Variants in DALRD3 observed in about 807,000 individuals in gnomAD.
DALRD3 encodes DALR anticodon binding domain containing 3.
DALRD3 carries 47 observed loss-of-function variants against 56.7 expected under a neutral mutation model. That is an observed-to-expected ratio of 0.83 (90% confidence interval 0.66 to 1.06). The LOEUF (loss-of-function observed/expected upper bound fraction) is 1.06, where lower values mean the gene tolerates loss of function less well. Among genes scored for constraint, DALRD3 ranks in the 50% least tolerant of loss-of-function variants. The pLI, the probability that DALRD3 is intolerant of heterozygous loss-of-function variation, is 0.00. For missense variants in DALRD3, 787 were observed against 724.0 expected (o/e 1.09, Z -1.00); for synonymous variants, 347 against 308.5 (o/e 1.12, Z -1.31).
At chr3:49,018,920 C>G, upstream of DALRD3, 1 of 985,486 alleles carries the variant, frequency 1.0e-6, no homozygotes, top group Non-Finnish European at 1.2e-6. Flanking sequence ...CATTTCATTT[C>G]TCCCATTTTA....
Position 49,017,438 on chromosome 3 carries a change from C to T in DALRD3, c.794G>A (p.Gly265Asp). The change falls in exon 4 of 12, where the codon GGC (glycine) becomes GAC (aspartate). Residue 265 changes from glycine to aspartate, a missense_variant. Gly to Asp is a moderately conservative substitution (Grantham distance 94). Coordinates refer to ENST00000341949, the MANE Select transcript of DALRD3 (RefSeq NM_001009996.3). Reference sequence around the variant, plus strand: ...ACAGGGCTGGGAGTCACTAACCAGGCCTGGGTGGCTGTCCTCGGGCCAATG... The same window carrying T: ...ACAGGGCTGGGAGTCACTAACCAGGTCTGGGTGGCTGTCCTCGGGCCAATG... ...LWHWPEDSHP[G>D]LAGASDTGTG... 1 of 1,614,132 alleles carries T rather than the reference C, an allele frequency of 6.2e-7. No homozygotes were observed. The highest frequency in any genetic ancestry group is 1.7e-5 in the Admixed American group (1 of 60,026).
chr3:49,018,205 G>C lies in DALRD3; in HGVS notation c.279C>G (p.Ala93=). ...CGGCGCTGAGGACGCGCTCGAAGAC[G>C]GCGGACCGCTGCAGTTGGAGAGACA... ...AGLSLQLQRS[A]VFERVLSAVA... is the part of the protein sequence containing the mutation. Residue 93 remains alanine (A), a synonymous_variant, in exon 2 of 12, where the codon GCC becomes GCG. Coordinates refer to ENST00000341949, the MANE Select transcript of DALRD3 (RefSeq NM_001009996.3). 1 of 1,446,238 alleles carries C rather than the reference G, an allele frequency of 6.9e-7. No individual in the cohort carries two copies. Among genetic ancestry groups the C allele is most frequent in the Non-Finnish European group, 9.0e-7 (1 of 1,110,708 alleles). The allele number at this position is 1,446,238 out of a possible 1,614,324, so 89.6% of individuals were successfully genotyped here. A position where few individuals can be genotyped will look rare whatever the true frequency, so the allele number is the denominator to read the frequency against.
rs1182292034 is a variant in DALRD3, at chr3:49,017,711, G to A, written c.620C>T (p.Thr207Ile). The A allele has an allele frequency of 6.2e-7, 1 of 1,614,034 alleles. No individual in the cohort carries two copies. Among genetic ancestry groups the A allele is most frequent in the East Asian group, 2.2e-5 (1 of 44,894 alleles). Residue 207 changes from threonine to isoleucine, a missense_variant, in exon 3 of 12, where the codon ACA (threonine) becomes ATA (isoleucine). Thr to Ile is a moderately conservative substitution (Grantham distance 89). Transcript: ENST00000341949. ...TCTGCCTAGGATGCCAGGGGACAGT[G>A]TCCTCCCGTCATTAGCAGAGGTAAG... Reference protein sequence around the residue: ...EELTSANDGRTLSPGILGRLC... With the variant: ...EELTSANDGRILSPGILGRLC...
rs2093113991 is a variant in DALRD3, at chr3:49,018,203, ACGG to A, written c.278_280del (p.Ala93del). 6.9e-7 allele frequency: 1 copy of A among 1,445,324 alleles called. No homozygotes were observed. The highest frequency in any genetic ancestry group is 9.0e-7 in the Non-Finnish European group (1 of 1,110,108). The allele number at this position is 1,445,324 out of a possible 1,614,324, so 89.5% of individuals were successfully genotyped here. On this transcript the variant is annotated inframe_deletion, in exon 2 of 12. Coordinates refer to ENST00000341949, the MANE Select transcript of DALRD3 (RefSeq NM_001009996.3). ...CACGGCGCTGAGGACGCGCTCGAAG[ACGG>A]CGGACCGCTGCAGTTGGAGAGACAG...
intron 7 of DALRD3, 40 bp downstream of exon 7, chr3:49,016,572 G>T: frequency 1.3e-6 from 2 of 1,595,238 alleles, no homozygotes; most frequent in South Asian, 1.1e-5. Flanking sequence ...CAAAAAACCT[G>T]CCCCTAACCC....
chr3:49,015,894 C>T (rs2093058928), intron 10 of DALRD3, 22 bp from the exon 11 acceptor site: 5 of 1,614,106 alleles, frequency 3.1e-6, no homozygotes, highest in African/African-American at 2.7e-5. Flanking sequence ...GACTGAGTCA[C>T]TGGCCCATCT....
At chr3:49,019,382 T>C (rs929918359), upstream of DALRD3, among the ~76,000 whole-genome samples, 6 of 151,968 alleles carry the variant, frequency 3.9e-5, no homozygotes, top group Non-Finnish European at 8.8e-5. Context: ...GGGTGGTCTT[T>C]ATGCCCAATA....
At position 49,016,003 on chromosome 3, in the gene DALRD3, C is replaced by T. The variant is rs775974240; in HGVS notation, c.1413G>A (p.Pro471=). ...CTGTGCGTACAGCAATGTGGAGCCC[C>T]GGGGCTGTGCAGTCCAGCACTGCTG... ...SRTAVLDCTA[P]GLHIAVRTEM... Residue 471 remains proline (P), a synonymous_variant, in exon 10 of 12, where the codon CCG becomes CCA. Coordinates refer to ENST00000341949, the MANE Select transcript of DALRD3 (RefSeq NM_001009996.3). 66 of 1,610,478 alleles carry T rather than the reference C, an allele frequency of 4.1e-5. No homozygotes were observed. The highest frequency in any genetic ancestry group is 3.3e-4 in the South Asian group (30 of 90,710).
chr3:49,017,459 C>G lies in DALRD3; in HGVS notation c.773G>C (p.Trp258Ser), dbSNP rs201167524. 1 of 1,614,130 alleles carries G rather than the reference C, an allele frequency of 6.2e-7. No homozygotes were observed. The highest frequency in any genetic ancestry group is 8.5e-7 in the Non-Finnish European group (1 of 1,180,036). ...CAGGCCTGGGTGGCTGTCCTCGGGC[C>G]AATGCCATAGAGCCTCTTGCAGCTC... Reference protein sequence around the residue: ...LAELQEALWHWPEDSHPGLAG... With the variant: ...LAELQEALWHSPEDSHPGLAG... The change falls in exon 4 of 12, where the codon TGG (tryptophan) becomes TCG (serine). Residue 258 changes from tryptophan (W) to serine (S), a missense_variant. Transcript: ENST00000341949.
At chr3:49,020,204 G>T (rs1481930136), upstream of DALRD3, 1 of 534,612 alleles carries the variant, frequency 1.9e-6, no homozygotes, top group East Asian at 5.4e-5. Context: ...CCCACTCAAC[G>T]GGAGTGATCG....
chr3:49,020,591 C>A, upstream of DALRD3: 2 of 475,218 alleles, frequency 4.2e-6, no homozygotes, highest in East Asian at 6.8e-5. Flanking sequence ...GGGTCAGGGG[C>A]ACCCCATCTG....
upstream of DALRD3, chr3:49,020,659 G>T: frequency 2.0e-6 from 1 of 493,168 alleles, no homozygotes; most frequent in East Asian, 6.1e-5. Context: ...CAGCTGGAAT[G>T]CTCTGGAGAC....
rs1471813514 is a variant in DALRD3, at chr3:49,015,687, A to AAAG, written c.1530_1532dup (p.Phe511dup). On this transcript the variant is annotated inframe_insertion, in exon 12 of 12. Transcript: ENST00000341949. Reference sequence around the variant, plus strand: ...GCTGCAGGCGGACGAACATCTGACCAAAGAGGTGTGGTCGAGGCTCCTGAA... The same window carrying AAAG: ...GCTGCAGGCGGACGAACATCTGACCAAAGAAGAGGTGTGGTCGAGGCTCCTGAA... 3 of 1,614,128 alleles carry AAAG rather than the reference A, an allele frequency of 1.9e-6. No individual in the cohort carries two copies. The South Asian group carries it at 3.3e-5, about 18-fold the overall frequency.
In DALRD3 at chr3:49,018,443, A is replaced by G; in HGVS notation, c.122T>C (p.Leu41Pro). ...CGCCTGCAGCGCGCGGTGCGGTGCC[A>G]GAAAGTCTCGGGAACGCAGGTGGCG... ...RTRHLRSRDF[L>P]APHRALQARF... Residue 41 changes from leucine (L) to proline (P), a missense_variant, in exon 1 of 12, where the codon CTG becomes CCG. Transcript: ENST00000341949. 1 of 1,588,400 alleles carries G rather than the reference A, an allele frequency of 6.3e-7. No homozygotes were observed. The highest frequency in any genetic ancestry group is 8.6e-7 in the Non-Finnish European group (1 of 1,168,062).
chr3:49,017,235 A>C lies in DALRD3; in HGVS notation c.920T>G (p.Leu307Arg). Residue 307 changes from leucine (L) to arginine (R), a missense_variant, in exon 5 of 12, where the codon CTC becomes CGC. Transcript: ENST00000341949. ...LWQKLVDKAP[L>R]RQKHLICGPV... ...CCATCATTATTAACCTACCTGTCTG[A>C]GTGGAGCCTTGTCAACCAACTTCTG... The C allele has an allele frequency of 1.2e-6, 2 of 1,614,126 alleles. No individual in the cohort carries two copies. The highest frequency in any genetic ancestry group is 2.2e-5 in the South Asian group (2 of 91,076).
At position 49,018,321 on chromosome 3, in the gene DALRD3, G is replaced by T. The variant is rs2093115786; in HGVS notation, c.166-3C>A. ...GCATGGAGCAAATGCTCCGGAACCTGCGGGAGAACGGGCGTGTAAAAGAGC... is the reference window on the plus strand; with the variant it reads ...GCATGGAGCAAATGCTCCGGAACCTTCGGGAGAACGGGCGTGTAAAAGAGC... On this transcript the variant is annotated splice_polypyrimidine_tract_variant and splice_region_variant and intron_variant, in intron 1 of 11. Transcript: ENST00000341949. The T allele has an allele frequency of 4.7e-6, 7 of 1,480,762 alleles. No individual in the cohort carries two copies. Among genetic ancestry groups the T allele is most frequent in the South Asian group, 1.4e-5 (1 of 73,444 alleles). 91.7% of individuals were successfully genotyped at this position (1,480,762 alleles called of 1,614,324 possible).
upstream of DALRD3, chr3:49,020,538 T>A: frequency 2.2e-6 from 1 of 444,790 alleles, no homozygotes; most frequent in South Asian, 1.6e-5. Flanking sequence ...AGGGCGCAAC[T>A]GAGAGGAACT....
At position 49,015,686 on chromosome 3, in the gene DALRD3, C is replaced by CAAAG; in HGVS notation, c.1530_1533dup (p.Gly512LeufsTer16). 1.2e-6 allele frequency: 2 copies of CAAAG among 1,614,062 alleles called. No individual in the cohort carries two copies. The highest frequency in any genetic ancestry group is 8.5e-7 in the Non-Finnish European group (1 of 1,180,020). ...AGCTGCAGGCGGACGAACATCTGAC[C>CAAAG]AAAGAGGTGTGGTCGAGGCTCCTGA... On this transcript the variant is annotated frameshift_variant, in exon 12 of 12. Coordinates refer to ENST00000341949, the MANE Select transcript of DALRD3 (RefSeq NM_001009996.3). LOFTEE classifies it high-confidence loss of function.
In DALRD3 at chr3:49,017,620, G is replaced by C. The variant is rs1225127094; in HGVS notation, c.711C>G (p.Asn237Lys). Residue 237 changes from asparagine to lysine, a missense_variant, in exon 3 of 12, where the codon AAC becomes AAG. Physicochemically the swap from Asn to Lys is moderately conservative, Grantham distance 94. Coordinates refer to ENST00000341949, the MANE Select transcript of DALRD3 (RefSeq NM_001009996.3). Reference sequence around the variant, plus strand: ...CTAGGCTTCAGGTCCTACCCAGACAGTTGTCCAGGTTGGGGTCATAGCCAG... The same window carrying C: ...CTAGGCTTCAGGTCCTACCCAGACACTTGTCCAGGTTGGGGTCATAGCCAG... ...RTAGYDPNLD[N>K]CLVTEDLLSV... The C allele has an allele frequency of 3.7e-6, 6 of 1,614,072 alleles. No homozygotes were observed. The highest frequency in any genetic ancestry group is 1.3e-5 in the African/African-American group (1 of 74,946).
Sources: gnomAD v4.1 joint callset for allele counts (sites outside exome capture counted in the v4.1 genomes callset) on GRCh38, gnomAD v4.1.1 for gene constraint, MANE v1.5 for transcripts, NCBI Gene and HGNC (gene_info 2026-07-23, HGNC 2026-07-21) for gene names.